The following FGGY variants were observed in gnomAD, a reference collection of about 807,000 sequenced individuals.
FGGY encodes the protein FGGY carbohydrate kinase domain containing.
FGGY carries 72 observed loss-of-function variants against 71.3 expected under a neutral mutation model. The observed-to-expected ratio is 1.01, with a 90% CI of 0.84 to 1.23. FGGY has a LOEUF of 1.23. FGGY is among the 50% of genes most tolerant of loss of function. The pLI, the probability that FGGY is intolerant of heterozygous loss-of-function variation, is 0.00. For synonymous variants in FGGY, 251 were observed against 250.3 expected (o/e 1.00, Z -0.02); for missense variants, 668 against 682.3 (o/e 0.98, Z 0.23).
intron 9 of FGGY, among the ~76,000 whole-genome samples, chr1:59,619,981 C>T (rs1324222677): frequency 2.6e-5 from 4 of 151,774 alleles, no homozygotes; most frequent in African/African-American, 9.7e-5. Flanking sequence ...ACCTTCACAC[C>T]CTGATGGATT....
chr1:59,614,434 G>A (rs2096727266), intron 9 of FGGY, among the ~76,000 whole-genome samples: 1 of 152,152 alleles, frequency 6.6e-6, no homozygotes, highest in South Asian at 2.1e-4. Context: ...AAAGGCCTTT[G>A]ACAAAATTCA....
rs565461765 is a variant in FGGY, at chr1:59,597,374, C to G, written c.904-10429C>G. Among the ~76,000 whole-genome samples the G allele has an allele frequency of 4.6e-5, 7 of 152,230 alleles. No homozygotes were observed. The South Asian group carries it at 1.2e-3, about 27-fold the overall frequency. On this transcript the variant is annotated intron_variant, in intron 8 of 15. Transcript: ENST00000303721. ...GGTAAATCCTCAATTTTACTTATGC[C>G]CACTGACAGATCTTACAAGTAGAAA...
intron 6 of FGGY, among the ~76,000 whole-genome samples, chr1:59,490,275 C>T (rs1489697247): frequency 6.6e-6 from 1 of 152,150 alleles, no homozygotes; most frequent in Non-Finnish European, 1.5e-5. Context: ...GTCTTAAACT[C>T]CTGGCCTCAA....
intron 4 of FGGY, among the ~76,000 whole-genome samples, chr1:59,358,548 A>T (rs537523290): frequency 3.3e-5 from 5 of 152,242 alleles, no homozygotes; most frequent in African/African-American, 1.2e-4. Context: ...AAAGTTGAAA[A>T]ACTTTTACAG....
chr1:59,626,347 G>A (rs978129042), intron 10 of FGGY: 2 of 301,768 alleles, frequency 6.6e-6, no homozygotes, highest in Non-Finnish European at 1.2e-5. Context: ...TCACATCCCA[G>A]CCATACTCCT....
chr1:59,659,645 ACT>A (rs2097256329), intron 11 of FGGY, among the ~76,000 whole-genome samples: 1 of 151,882 alleles, frequency 6.6e-6, no homozygotes, highest in South Asian at 2.1e-4. Context: ...TCAGTTCTGG[ACT>A]CTCTCAGAGA....
chr1:59,591,874 C>T (rs909200196), intron 8 of FGGY, among the ~76,000 whole-genome samples: 46 of 152,180 alleles, frequency 3.0e-4, no homozygotes, highest in Non-Finnish European at 5.4e-4. Context: ...AGGACATAGG[C>T]ATGGGCAAGG....
intron 11 of FGGY, among the ~76,000 whole-genome samples, chr1:59,652,753 C>G (rs1460913941): frequency 1.3e-5 from 2 of 151,704 alleles, no homozygotes; most frequent in African/African-American, 2.4e-5. Context: ...TCTCTCAGCT[C>G]GTCAAAGTCA....
intron 14 of FGGY, among the ~76,000 whole-genome samples, chr1:59,675,575 G>T (rs1047183764): frequency 1.3e-5 from 2 of 152,126 alleles, no homozygotes; most frequent in African/African-American, 2.4e-5. Flanking sequence ...AAACAAAGGT[G>T]GTATAGTTCA....
At chr1:59,536,239 T>G (rs1319251336) in intron 7 of FGGY, among the ~76,000 whole-genome samples, 1 of 152,030 alleles carries the variant, frequency 6.6e-6, no homozygotes, top group Non-Finnish European at 1.5e-5. Context: ...AAGAAATGGA[T>G]AAATTCCTCG....
intron 1 of FGGY, among the ~76,000 whole-genome samples, chr1:59,320,874 T>A (rs1249990132): frequency 6.6e-5 from 10 of 152,236 alleles, no homozygotes. Context: ...CTCATAGACT[T>A]GCTTCTTAAT....
intron 14 of FGGY, among the ~76,000 whole-genome samples, chr1:59,754,107 G>A (rs2098270095): frequency 6.6e-6 from 1 of 152,100 alleles, no homozygotes; most frequent in Admixed American, 6.5e-5. Flanking sequence ...CTTTTTTCTT[G>A]TTCCTCTGAA....
intron 14 of FGGY, among the ~76,000 whole-genome samples, chr1:59,726,046 GT>G (rs1017076330): frequency 2.6e-5 from 4 of 152,058 alleles, no homozygotes; most frequent in Non-Finnish European, 5.9e-5. Flanking sequence ...TAGCTGTAGA[GT>G]TTTTTTGTAC....
At chr1:59,393,775 G>A (rs2060985785) in intron 5 of FGGY, among the ~76,000 whole-genome samples, 3 of 152,082 alleles carry the variant, frequency 2.0e-5, no homozygotes, top group Admixed American at 2.0e-4. Flanking sequence ...TTTTGATGAT[G>A]GGAAAGAGGC....
At chr1:59,657,025 A>G (rs1558701378) in intron 11 of FGGY, among the ~76,000 whole-genome samples, 1 of 152,204 alleles carries the variant, frequency 6.6e-6, no homozygotes, top group Non-Finnish European at 1.5e-5. Context: ...CATGAATACC[A>G]ATGCTTTTTG....
intron 5 of FGGY, among the ~76,000 whole-genome samples, chr1:59,389,413 A>G (rs1049598840): frequency 9.2e-5 from 14 of 152,084 alleles, no homozygotes; most frequent in Admixed American, 6.5e-5. Flanking sequence ...CTTTTTTATG[A>G]CTGAATAATC....
intron 1 of FGGY, among the ~76,000 whole-genome samples, chr1:59,318,425 G>A (rs962042113): frequency 2.0e-5 from 3 of 152,188 alleles, no homozygotes; most frequent in Admixed American, 6.5e-5. Context: ...TAATCATACC[G>A]CTCCATTCTC....
At chr1:59,416,330 G>T (rs2064411839) in intron 5 of FGGY, among the ~76,000 whole-genome samples, 1 of 152,064 alleles carries the variant, frequency 6.6e-6, no homozygotes, top group South Asian at 2.1e-4. Flanking sequence ...CTGTGGTATT[G>T]AAATTTCACA....
chr1:59,481,019 A>G (rs2093447316), intron 6 of FGGY, among the ~76,000 whole-genome samples: 1 of 152,078 alleles, frequency 6.6e-6, no homozygotes, highest in Admixed American at 6.6e-5. Flanking sequence ...GCATCTTGAC[A>G]TACACACATA....
Sources: gnomAD v4.1 joint callset for allele counts (sites outside exome capture counted in the v4.1 genomes callset) on GRCh38, gnomAD v4.1.1 for gene constraint, MANE v1.5 for transcripts, NCBI Gene and HGNC (gene_info 2026-07-23, HGNC 2026-07-21) for gene names.